CDH12: variants seen among roughly 807,000 people sequenced by gnomAD.
The protein encoded by CDH12 is cadherin-12.
A neutral mutation model predicts 74.1 loss-of-function variants in CDH12; 41 were observed. That is an observed-to-expected ratio of 0.55 (90% CI 0.43 to 0.72). The LOEUF is 0.72. Ranked by LOEUF, CDH12 falls within the 30% of genes least tolerant of loss-of-function variation. The pLI, the probability that CDH12 is intolerant of heterozygous loss-of-function variation, is 0.00. For missense variants in CDH12, 945 were observed against 977.2 expected, an observed-to-expected ratio of 0.97 and a Z score of 0.44; for synonymous variants, 399 against 355.0, an observed-to-expected ratio of 1.12 and a Z score of -1.39.
intron 1 of CDH12, among the ~76,000 whole-genome samples, chr5:22,850,440 C>T (rs1449273041): frequency 1.3e-5 from 2 of 151,952 alleles, no homozygotes; most frequent in African/African-American, 4.8e-5. Flanking sequence ...AAAAATAATA[C>T]ATTTTCATTT....
At chr5:22,224,975 C>T (rs1005235297) in intron 3 of CDH12, among the ~76,000 whole-genome samples, 4 of 151,830 alleles carry the variant, frequency 2.6e-5, no homozygotes, top group African/African-American at 9.7e-5. Context: ...AATGCAAACC[C>T]TTTCAAAAAG....
At chr5:22,424,740 A>T (rs373167462) in intron 2 of CDH12, among the ~76,000 whole-genome samples, 1 of 152,030 alleles carries the variant, frequency 6.6e-6, no homozygotes, top group Non-Finnish European at 1.5e-5. Context: ...TCTACCTTAT[A>T]TAGTCTTACT....
chr5:22,375,814 A>C (rs542821711), intron 3 of CDH12, among the ~76,000 whole-genome samples: 2 of 151,146 alleles, frequency 1.3e-5, no homozygotes, highest in South Asian at 2.1e-4. Flanking sequence ...AGAAAAAAAA[A>C]CAGATGCTAA....
At chr5:21,872,528 C>T (rs1434223322) in intron 6 of CDH12, among the ~76,000 whole-genome samples, 2 of 152,094 alleles carry the variant, frequency 1.3e-5, no homozygotes, top group Non-Finnish European at 2.9e-5. Flanking sequence ...TAGGAAATTC[C>T]ATAGAAATAA....
chr5:22,030,267 TAATAA>T (rs976613101), intron 5 of CDH12, among the ~76,000 whole-genome samples: 2 of 151,866 alleles, frequency 1.3e-5, no homozygotes, highest in Admixed American at 6.6e-5. Flanking sequence ...AGTTTAATAA[TAATAA>T]AATAAAATAA....
intron 2 of CDH12, among the ~76,000 whole-genome samples, chr5:22,435,173 T>C (rs756939621): frequency 4.6e-5 from 7 of 152,216 alleles, no homozygotes; most frequent in Non-Finnish European, 8.8e-5. Context: ...GCTGCCAGTG[T>C]GGCCAGAATA....
intron 1 of CDH12, among the ~76,000 whole-genome samples, chr5:22,563,642 T>G (rs1739165717): frequency 6.6e-6 from 1 of 152,188 alleles, no homozygotes; most frequent in African/African-American, 2.4e-5. Flanking sequence ...TTCATGGATA[T>G]TGTCTTATTT....
intron 1 of CDH12, among the ~76,000 whole-genome samples, chr5:22,719,059 A>G (rs1743739002): frequency 6.6e-6 from 1 of 152,150 alleles, no homozygotes; most frequent in Non-Finnish European, 1.5e-5. Context: ...CCCCAAATTG[A>G]TAGCCAGCTA....
intron 4 of CDH12, among the ~76,000 whole-genome samples, chr5:22,098,811 TG>T (rs1207081573): frequency 2.0e-5 from 3 of 152,132 alleles, no homozygotes; most frequent in African/African-American, 7.2e-5. Flanking sequence ...ACCCTGATTA[TG>T]GCTTGATTTA....
chr5:22,833,331 C>T (rs370244306), intron 1 of CDH12, among the ~76,000 whole-genome samples: 1 of 152,152 alleles, frequency 6.6e-6, no homozygotes, highest in African/African-American at 2.4e-5. Context: ...CAGGCCAGAA[C>T]ACAGTGCTGG....
At chr5:22,852,639 G>C (rs939190725) in intron 1 of CDH12, among the ~76,000 whole-genome samples, 1 of 152,142 alleles carries the variant, frequency 6.6e-6, no homozygotes, top group Non-Finnish European at 1.5e-5. Context: ...AAATGAGTGA[G>C]GGGGGTCGGC....
chr5:22,323,506 T>A (rs903528171), intron 3 of CDH12, among the ~76,000 whole-genome samples: 2 of 152,192 alleles, frequency 1.3e-5, no homozygotes, highest in South Asian at 4.1e-4. Context: ...TCAGAATTTC[T>A]AATAGAAGAT....
At chr5:22,355,523 A>AATATATAT (rs70959720) in intron 3 of CDH12, among the ~76,000 whole-genome samples, 23 of 84,024 alleles carry the variant, frequency 2.7e-4, no homozygotes, top group African/African-American at 8.4e-4. Context: ...TTAAAAAAAA[A>AATATATAT]ATATATATAT....
At chr5:22,107,495 CATATA>C in intron 4 of CDH12, among the ~76,000 whole-genome samples, 1 of 150,270 alleles carries the variant, frequency 6.7e-6, no homozygotes, top group Non-Finnish European at 1.5e-5. Flanking sequence ...TATATATACA[CATATA>C]ATAATTATAT....
rs1352871252 is a variant in CDH12, at chr5:22,335,802, G to T, written c.-333+69455C>A. 3.3e-5 allele frequency among the ~76,000 whole-genome samples: 5 copies of T among 152,042 alleles called. No homozygotes were observed. The East Asian group carries it at 9.7e-4, about 29-fold the overall frequency. ...TGTCTTTATCAGCAGTGTGAAAATG[G>T]ACTAACACAGTAAATTGTTAACAGT... is the stretch of plus-strand genomic sequence containing the variant. On this transcript the variant is annotated intron_variant, in intron 3 of 14. Transcript: ENST00000382254.
intron 3 of CDH12, among the ~76,000 whole-genome samples, chr5:22,314,710 T>A (rs1738537972): frequency 6.6e-6 from 1 of 151,998 alleles, no homozygotes; most frequent in Non-Finnish European, 1.5e-5. Flanking sequence ...AGAACCAACG[T>A]TTGTCAGAAG....
chr5:22,710,978 A>G (rs561211121), intron 1 of CDH12, among the ~76,000 whole-genome samples: 29 of 152,304 alleles, frequency 1.9e-4, no homozygotes, highest in Non-Finnish European at 3.5e-4. Flanking sequence ...CTATGCCTCA[A>G]GTAGGAATGT....
chr5:22,585,381 T>C (rs1360858084), intron 1 of CDH12, among the ~76,000 whole-genome samples: 3 of 152,210 alleles, frequency 2.0e-5, no homozygotes, highest in African/African-American at 7.2e-5. Flanking sequence ...AGAGCTCTTT[T>C]TTTTACCTAT....
At chr5:22,203,959 G>A (rs1751062503) in intron 4 of CDH12, among the ~76,000 whole-genome samples, 1 of 152,106 alleles carries the variant, frequency 6.6e-6, no homozygotes, top group African/African-American at 2.4e-5. Context: ...AGCAAAAATA[G>A]ATAAATGGGA....
Sources: gnomAD v4.1 joint callset for allele counts (sites outside exome capture counted in the v4.1 genomes callset) on GRCh38, gnomAD v4.1.1 for gene constraint, MANE v1.5 for transcripts, NCBI Gene and HGNC (gene_info 2026-07-23, HGNC 2026-07-21) for gene names.